Variants in SPOPL observed in about 807,000 individuals in gnomAD.
SPOPL encodes the protein speckle-type POZ protein-like.
A neutral mutation model predicts 53.8 loss-of-function variants in SPOPL; 23 were observed. The observed-to-expected ratio is 0.43, with a 90% CI of 0.31 to 0.61. The LOEUF is 0.61. Among genes scored for constraint, SPOPL ranks in the 20% least tolerant of loss-of-function variants. The pLI, the probability that SPOPL is intolerant of heterozygous loss-of-function variation, is 0.12. For missense variants in SPOPL, 442 were observed against 466.9 expected, an observed-to-expected ratio of 0.95 and a Z score of 0.49; for synonymous variants, 164 against 149.7, an observed-to-expected ratio of 1.10 and a Z score of -0.70.
At chr2:138,522,467 T>C (rs1684580149) in intron 1 of SPOPL, among the ~76,000 whole-genome samples, 1 of 152,148 alleles carries the variant, frequency 6.6e-6, no homozygotes, top group Non-Finnish European at 1.5e-5. Flanking sequence ...TTTTTAAAAC[T>C]GGGGTCCTGT....
At chr2:138,536,435 T>C (rs1487810834) in intron 1 of SPOPL, among the ~76,000 whole-genome samples, 1 of 152,140 alleles carries the variant, frequency 6.6e-6, no homozygotes, top group Non-Finnish European at 1.5e-5. Flanking sequence ...CCCTGGGTGA[T>C]GGTGGTTTGG....
rs371481324 is a variant in SPOPL, at chr2:138,510,209, TAA to T, written c.-61+8091_-61+8092del. On this transcript the variant is annotated intron_variant, in intron 1 of 10. Coordinates refer to ENST00000280098, the MANE Select transcript of SPOPL (RefSeq NM_001001664.3). ...CCTTATGCAGGTTTTTGTGTAGACA[TAA>T]GTTTTCAGCTCTTGGTAAATACCAA... is the stretch of plus-strand genomic sequence containing the variant. Among the ~76,000 whole-genome samples the T allele has an allele frequency of 3.6e-4, 55 of 152,324 alleles. 1 individual carries two copies. The East Asian group carries it at 7.9e-3, about 22-fold the overall frequency.
Position 138,560,813 on chromosome 2 carries a change from G to A in SPOPL, c.723G>A (p.Val241=). Residue 241 remains valine (V), a synonymous_variant, in exon 8 of 11, where the codon GTG becomes GTA. Transcript: ENST00000280098. Reference sequence around the variant, plus strand: ...TTGTTTTTCGATATCAGAATCGAGTGGAAATAAATGATTTAGACCCTGAAG... The same window carrying A: ...TTGTTTTTCGATATCAGAATCGAGTAGAAATAAATGATTTAGACCCTGAAG... ...HEMEESKKNR[V]EINDLDPEVF... The A allele has an allele frequency of 1.9e-6, 3 of 1,587,914 alleles. No individual in the cohort carries two copies. The highest frequency in any genetic ancestry group is 2.6e-6 in the Non-Finnish European group (3 of 1,172,056).
chr2:138,563,859 C>T (rs1014408736), intron 8 of SPOPL, among the ~76,000 whole-genome samples: 2 of 152,176 alleles, frequency 1.3e-5, no homozygotes, highest in South Asian at 2.1e-4. Context: ...GAACTGGTAA[C>T]AACCCAAATA....
chr2:138,541,396 TATTA>T (rs1350976388), intron 1 of SPOPL, among the ~76,000 whole-genome samples: 8 of 152,234 alleles, frequency 5.3e-5, no homozygotes, highest in Non-Finnish European at 1.0e-4. Flanking sequence ...GTTGGTAAGC[TATTA>T]ATTAATGCCT....
intron 1 of SPOPL, among the ~76,000 whole-genome samples, chr2:138,504,502 T>C (rs1019668496): frequency 5.9e-5 from 9 of 152,238 alleles, no homozygotes; most frequent in African/African-American, 2.2e-4. Context: ...TGGGATAAAA[T>C]TGACATTTAA....
At chr2:138,559,572 G>T (rs571940980) in intron 7 of SPOPL, among the ~76,000 whole-genome samples, 1 of 152,260 alleles carries the variant, frequency 6.6e-6, no homozygotes. Flanking sequence ...AGGTAAATTG[G>T]ATAGTTGTTA....
chr2:138,570,349 C>G lies in SPOPL; in HGVS notation c.*1269C>G, dbSNP rs1344519189. Reference sequence around the variant, plus strand: ...TAACATTGTGGATGATACTGAAATTCTGCATAATGTGAACAGGATAAACTA... The same window carrying G: ...TAACATTGTGGATGATACTGAAATTGTGCATAATGTGAACAGGATAAACTA... On this transcript the variant is annotated 3_prime_UTR_variant, in exon 11 of 11. Coordinates refer to ENST00000280098, the MANE Select transcript of SPOPL (RefSeq NM_001001664.3). 3 of 152,164 alleles carry G rather than the reference C, an allele frequency of 2.0e-5. No individual in the cohort carries two copies. Among genetic ancestry groups the G allele is most frequent in the Non-Finnish European group, 4.4e-5 (3 of 68,014 alleles). 9.4% of individuals were successfully genotyped at this position (152,164 alleles called of 1,614,324 possible).
rs71301784 is a variant in SPOPL at position 138,532,593 on chromosome 2, A to ATTTT, written c.-60-17545_-60-17542dup. Among the ~76,000 whole-genome samples the ATTTT allele has an allele frequency of 8.2e-4, 92 of 111,834 alleles. 3 individuals carry two copies. The highest frequency in any genetic ancestry group is 3.3e-3 in the African/African-American group (85 of 25,928). 73.4% of individuals were successfully genotyped at this position (111,834 alleles called of 152,430 possible). ...AGGCGCCTACCACCACGCCCGGCTAATTTTTTTTTTTTTTTTTTTTTTGTA... is the reference window on the plus strand; with the variant it reads ...AGGCGCCTACCACCACGCCCGGCTAATTTTTTTTTTTTTTTTTTTTTTTTTTGTA... On this transcript the variant is annotated intron_variant, in intron 1 of 10. Transcript: ENST00000280098.
rs1251548125 is a variant in SPOPL at position 138,560,812 on chromosome 2, T to C, written c.722T>C (p.Val241Ala). ...GTTGTTTTTCGATATCAGAATCGAG[T>C]GGAAATAAATGATTTAGACCCTGAA... ...HEMEESKKNRVEINDLDPEVF... is the reference protein window; with the variant it reads ...HEMEESKKNRAEINDLDPEVF... Residue 241 changes from valine to alanine, a missense_variant, in exon 8 of 11, where the codon GTG (valine) becomes GCG (alanine). By Grantham distance (64) the Val-to-Ala change is moderately conservative. Coordinates refer to ENST00000280098, the MANE Select transcript of SPOPL (RefSeq NM_001001664.3). The C allele has an allele frequency of 6.3e-7, 1 of 1,587,114 alleles. No individual in the cohort carries two copies. Among genetic ancestry groups the C allele is most frequent in the Non-Finnish European group, 8.5e-7 (1 of 1,171,642 alleles).
chr2:138,545,230 G>A (rs939571850), intron 1 of SPOPL, among the ~76,000 whole-genome samples: 3 of 151,884 alleles, frequency 2.0e-5, no homozygotes, highest in Admixed American at 2.0e-4. Context: ...TGCTCTCTTT[G>A]GTACCAGCAC....
At chr2:138,560,208 C>T (rs551361100) in intron 7 of SPOPL, among the ~76,000 whole-genome samples, 1 of 152,278 alleles carries the variant, frequency 6.6e-6, no homozygotes, top group East Asian at 1.9e-4. Flanking sequence ...TATGATAATA[C>T]ATGCCATTTT....
chr2:138,532,593 ATTT>A (rs71301784), intron 1 of SPOPL, among the ~76,000 whole-genome samples: 3 of 111,872 alleles, frequency 2.7e-5, no homozygotes, highest in Admixed American at 9.3e-5. Context: ...CGCCCGGCTA[ATTT>A]TTTTTTTTTT....
chr2:138,507,659 G>A (rs1421600976), intron 1 of SPOPL, among the ~76,000 whole-genome samples: 1 of 152,234 alleles, frequency 6.6e-6, no homozygotes, highest in Admixed American at 6.5e-5. Flanking sequence ...TGGGGCTAGA[G>A]TACACGGGTA....
intron 7 of SPOPL, among the ~76,000 whole-genome samples, 190 bp from the exon 8 acceptor site, chr2:138,560,615 G>A (rs1286150101): frequency 2.6e-5 from 4 of 151,884 alleles, no homozygotes; most frequent in African/African-American, 4.8e-5. Context: ...TCACTTTGCC[G>A]AAGTACTTAA....
At chr2:138,564,424 GTA>G (rs756106556) in intron 8 of SPOPL, 2 of 325,194 alleles carry the variant, frequency 6.2e-6, no homozygotes, top group Non-Finnish European at 1.1e-5. Flanking sequence ...GACAAGAGAA[GTA>G]TATTTATTAA....
intron 5 of SPOPL, among the ~76,000 whole-genome samples, chr2:138,556,305 CT>C (rs1306414031): frequency 6.6e-6 from 1 of 151,946 alleles, no homozygotes; most frequent in Non-Finnish European, 1.5e-5. Context: ...TTTTTTAATC[CT>C]TTTATTACCT....
chr2:138,513,364 G>GC (rs200296922), intron 1 of SPOPL, among the ~76,000 whole-genome samples: 1,654 of 152,208 alleles, frequency 0.011, 33 homozygotes, highest in African/African-American at 0.037. Flanking sequence ...GACTAGCCTG[G>GC]CAACATGGTG....
Position 138,550,565 on chromosome 2 carries a change from G to A in SPOPL, c.161G>A (p.Ser54Asn), listed in dbSNP as rs753450448. ...GAGGAAATGGGTGAAGTGTTAAAAA[G>A]TTCAACATTTTCATCTGGCCCAAGT... ...CREEMGEVLK[S>N]STFSSGPSDK... Residue 54 changes from serine (S) to asparagine (N), a missense_variant, in exon 3 of 11, where the codon AGT becomes AAT. Ser to Asn is a conservative substitution (Grantham distance 46). Transcript: ENST00000280098. 2 of 1,610,506 alleles carry A rather than the reference G, an allele frequency of 1.2e-6. No homozygotes were observed. Among genetic ancestry groups the A allele is most frequent in the South Asian group, 2.2e-5 (2 of 90,780 alleles).
Sources: allele counts gnomAD v4.1 joint callset (sites outside exome capture counted in the v4.1 genomes callset), GRCh38; gene constraint gnomAD v4.1.1; transcripts MANE v1.5; gene names NCBI Gene and HGNC (gene_info 2026-07-23, HGNC 2026-07-21).